SHTN1: variants seen among roughly 807,000 people sequenced by gnomAD.
SHTN1 encodes shootin 1, also known as shootin-1.
A neutral mutation model predicts 83.1 loss-of-function variants in SHTN1; 42 were observed. The ratio of observed to expected loss-of-function variants is 0.51; its 90% CI spans 0.39 to 0.65. SHTN1 has a LOEUF of 0.65. Ranked by LOEUF, SHTN1 falls within the 30% of genes least tolerant of loss-of-function variation. SHTN1 has a pLI of 0.00. For missense variants in SHTN1, 622 were observed against 737.8 expected (o/e 0.84, Z 1.82); for synonymous variants, 224 against 247.7 (o/e 0.90, Z 0.90).
chr10:116,940,660 C>A, intron 8 of SHTN1, 48 bp from the exon 9 acceptor site: 5 of 1,417,392 alleles, frequency 3.5e-6, no homozygotes, highest in Non-Finnish European at 3.8e-6. Context: ...ATCTCACATA[C>A]CTCCTCAACT....
chr10:117,125,697 GCCCTGGTTAAGAA>G (rs1853994012), intron 1 of SHTN1, among the ~76,000 whole-genome samples: 1 of 152,054 alleles, frequency 6.6e-6, no homozygotes, highest in Non-Finnish European at 1.5e-5. Flanking sequence ...TCCCTGGGAT[GCCCTGGTTAAGAA>G]CCCAAATACC....
chr10:116,914,390 T>C (rs1848306990), intron 13 of SHTN1, among the ~76,000 whole-genome samples: 1 of 151,806 alleles, frequency 6.6e-6, no homozygotes, highest in Non-Finnish European at 1.5e-5. Flanking sequence ...GAGAATCGCT[T>C]GAACACGGGA....
At chr10:116,905,204 G>A (rs1240103709) in intron 15 of SHTN1, among the ~76,000 whole-genome samples, 21 of 126,272 alleles carry the variant, frequency 1.7e-4, no homozygotes, top group African/African-American at 6.3e-4. Flanking sequence ...GCGAGACTCC[G>A]TCTCAAAAAA....
upstream of SHTN1, among the ~76,000 whole-genome samples, chr10:117,008,024 A>G (rs922104893): frequency 2.0e-5 from 3 of 152,016 alleles, no homozygotes; most frequent in Admixed American, 1.3e-4. Flanking sequence ...AATAATATAC[A>G]TAGTGATTTA....
At chr10:116,967,097 A>G (rs1212683788) in intron 3 of SHTN1, among the ~76,000 whole-genome samples, 2 of 152,056 alleles carry the variant, frequency 1.3e-5, no homozygotes, top group East Asian at 1.9e-4. Context: ...TACCAAATCA[A>G]CTCTTTATAA....
intron 1 of SHTN1, among the ~76,000 whole-genome samples, chr10:117,084,210 C>A (rs1853313873): frequency 6.6e-6 from 1 of 151,878 alleles, no homozygotes; most frequent in South Asian, 2.1e-4. Flanking sequence ...TGGTGATGTA[C>A]AGATGGGTTT....
intron 1 of SHTN1, among the ~76,000 whole-genome samples, chr10:117,101,231 T>C (rs1853587291): frequency 6.6e-6 from 1 of 152,216 alleles, no homozygotes; most frequent in Non-Finnish European, 1.5e-5. Context: ...GAAAACACCT[T>C]ATATAACATT....
chr10:117,024,353 T>TC (rs949876638), intron 2 of SHTN1, among the ~76,000 whole-genome samples: 15 of 135,140 alleles, frequency 1.1e-4, no homozygotes, highest in African/African-American at 4.1e-4. Flanking sequence ...CTTTTCTTTT[T>TC]TTTTTTTTTT....
intron 6 of SHTN1, among the ~76,000 whole-genome samples, chr10:116,951,684 T>C (rs749146963): frequency 6.6e-6 from 1 of 152,266 alleles, no homozygotes; most frequent in Non-Finnish European, 1.5e-5. Flanking sequence ...AACATGTCCA[T>C]GCTATTTCAG....
At chr10:116,939,446 G>A (rs892281871) in intron 9 of SHTN1, among the ~76,000 whole-genome samples, 49 of 152,116 alleles carry the variant, frequency 3.2e-4, no homozygotes, top group South Asian at 2.1e-4. Context: ...TGCACTTCCC[G>A]GGTGAGGCAA....
chr10:116,911,041 C>A (rs1472500244), intron 14 of SHTN1, among the ~76,000 whole-genome samples: 1 of 152,182 alleles, frequency 6.6e-6, no homozygotes, highest in African/African-American at 2.4e-5. Flanking sequence ...CTTGTACCTC[C>A]GCCCCCATGT....
intron 1 of SHTN1, among the ~76,000 whole-genome samples, chr10:117,099,429 T>G (rs1324313586): frequency 6.6e-6 from 1 of 152,188 alleles, no homozygotes; most frequent in Non-Finnish European, 1.5e-5. Context: ...AAATCTCATT[T>G]AGAAATTATT....
chr10:117,036,692 A>T (rs1852502415), intron 2 of SHTN1, among the ~76,000 whole-genome samples: 1 of 152,192 alleles, frequency 6.6e-6, no homozygotes, highest in Non-Finnish European at 1.5e-5. Context: ...AATAATTAGA[A>T]TGAACAAGAC....
At chr10:116,942,759 C>A (rs1400357045) in intron 8 of SHTN1, among the ~76,000 whole-genome samples, 1 of 152,160 alleles carries the variant, frequency 6.6e-6, no homozygotes, top group South Asian at 2.1e-4. Context: ...AAATTGATTT[C>A]TAAGGCTCTA....
At chr10:117,118,523 T>C (rs1417153423) in intron 1 of SHTN1, among the ~76,000 whole-genome samples, 4 of 152,140 alleles carry the variant, frequency 2.6e-5, no homozygotes, top group African/African-American at 7.2e-5. Context: ...AGAACTACCA[T>C]ATGATCCAGC....
intron 9 of SHTN1, among the ~76,000 whole-genome samples, chr10:116,934,788 T>C (rs894741293): frequency 3.9e-5 from 6 of 152,240 alleles, no homozygotes; most frequent in Non-Finnish European, 7.3e-5. Flanking sequence ...ATATTGATTC[T>C]TCCTATCCAT....
intron 9 of SHTN1, among the ~76,000 whole-genome samples, chr10:116,935,074 T>C (rs1395012499): frequency 6.6e-6 from 1 of 152,188 alleles, no homozygotes; most frequent in African/African-American, 2.4e-5. Context: ...GCTGAAACGA[T>C]GGGGTTTTCT....
chr10:117,026,169 C>G (rs7079998), intron 2 of SHTN1, among the ~76,000 whole-genome samples: 138,501 of 152,152 alleles, frequency 0.91, 64,415 homozygotes, highest in Non-Finnish European at 1. Context: ...ACCTGACCTA[C>G]GTCACAGAGG....
At chr10:116,900,051 C>T (rs1847676684) in intron 16 of SHTN1, among the ~76,000 whole-genome samples, 1 of 152,176 alleles carries the variant, frequency 6.6e-6, no homozygotes, top group Admixed American at 6.5e-5. Flanking sequence ...TATACATACA[C>T]AGAATTCTCA....
Sources: gnomAD v4.1 joint callset for allele counts (sites outside exome capture counted in the v4.1 genomes callset) on GRCh38, gnomAD v4.1.1 for gene constraint, MANE v1.5 for transcripts, NCBI Gene and HGNC (gene_info 2026-07-23, HGNC 2026-07-21) for gene names.